The following AFF3 variants were observed in gnomAD, a reference collection of about 807,000 sequenced individuals.
AFF3 encodes AF4/FMR2 family member 3.
AFF3 carries 32 observed loss-of-function variants against 129.7 expected under a neutral mutation model. The ratio of observed to expected loss-of-function variants is 0.25; its 90% CI spans 0.19 to 0.33. AFF3 has a LOEUF of 0.33. Ranked by LOEUF, AFF3 falls within the 10% of genes least tolerant of loss-of-function variation. The probability of loss-of-function intolerance (pLI) is 1.00; values close to 1 mark genes in which losing one functional copy is unlikely to be tolerated. For synonymous variants in AFF3, 644 were observed against 635.4 expected (o/e 1.01, Z -0.20); for missense variants, 1,373 against 1,592.0 (o/e 0.86, Z 2.34).
chr2:99,923,564 C>T (rs1035235918), intron 7 of AFF3, among the ~76,000 whole-genome samples: 3 of 152,094 alleles, frequency 2.0e-5, no homozygotes, highest in Non-Finnish European at 4.4e-5. Flanking sequence ...GATCCTCTGA[C>T]GTCTAGCTGG....
chr2:99,891,726 T>A (rs780399543), intron 7 of AFF3, among the ~76,000 whole-genome samples: 1 of 152,212 alleles, frequency 6.6e-6, no homozygotes, highest in Admixed American at 6.5e-5. Flanking sequence ...AGGTTCAGAA[T>A]GTGTGGAAGG....
intron 7 of AFF3, among the ~76,000 whole-genome samples, chr2:100,004,490 T>C (rs1368108071): frequency 6.6e-6 from 1 of 152,198 alleles, no homozygotes; most frequent in East Asian, 1.9e-4. Context: ...TCTCACTATG[T>C]TGCCCAGGCT....
At chr2:100,015,738 C>G (rs971486376) in intron 4 of AFF3, among the ~76,000 whole-genome samples, 1 of 152,170 alleles carries the variant, frequency 6.6e-6, no homozygotes, top group African/African-American at 2.4e-5. Context: ...GGGACAGAGG[C>G]AACTCAGACA....
intron 7 of AFF3, among the ~76,000 whole-genome samples, chr2:99,891,526 C>A (rs1693549911): frequency 6.6e-6 from 1 of 152,140 alleles, no homozygotes; most frequent in Admixed American, 6.5e-5. Flanking sequence ...CGGCAGGATG[C>A]TGAAGCTGGG....
At chr2:99,968,179 TC>T (rs557368217) in intron 7 of AFF3, among the ~76,000 whole-genome samples, 14 of 152,284 alleles carry the variant, frequency 9.2e-5, no homozygotes, top group Non-Finnish European at 1.6e-4. Context: ...AACTAGTCCC[TC>T]CTCTATGCCT....
At chr2:99,946,133 A>G (rs1363295720) in intron 7 of AFF3, among the ~76,000 whole-genome samples, 2 of 152,122 alleles carry the variant, frequency 1.3e-5, no homozygotes, top group Admixed American at 6.5e-5. Flanking sequence ...TACCCCAAAG[A>G]GGCAGATTAT....
At chr2:99,651,399 G>A (rs558190653) in intron 12 of AFF3, among the ~76,000 whole-genome samples, 14 of 151,982 alleles carry the variant, frequency 9.2e-5, no homozygotes, top group Admixed American at 9.2e-4. Context: ...AACAAGGAGT[G>A]TGCAATGGTC....
At chr2:99,961,434 T>C (rs1677202178) in intron 7 of AFF3, among the ~76,000 whole-genome samples, 1 of 152,236 alleles carries the variant, frequency 6.6e-6, no homozygotes, top group African/African-American at 2.4e-5. Context: ...TGGCAATTAA[T>C]CACATTTTGC....
intron 13 of AFF3, among the ~76,000 whole-genome samples, chr2:99,626,539 CCTT>C (rs376145443): frequency 3.5e-5 from 2 of 57,280 alleles, no homozygotes; most frequent in Non-Finnish European, 4.2e-5. Flanking sequence ...TTCCTCCCTC[CCTT>C]CTCCCTTCTC....
chr2:99,666,349 T>A (rs962972711), intron 12 of AFF3, among the ~76,000 whole-genome samples: 1 of 152,164 alleles, frequency 6.6e-6, no homozygotes, highest in Admixed American at 6.5e-5. Flanking sequence ...ACCAGCGAAC[T>A]GTTATAAGTT....
At chr2:99,767,543 G>A (rs1167989736) in intron 8 of AFF3, among the ~76,000 whole-genome samples, 2 of 152,210 alleles carry the variant, frequency 1.3e-5, no homozygotes, top group African/African-American at 4.8e-5. Flanking sequence ...CAGTAAACAT[G>A]TATATGACAC....
chr2:99,752,403 A>G (rs1681730999), intron 8 of AFF3, 102 bp from the exon 9 acceptor site: 1 of 883,874 alleles, frequency 1.1e-6, no homozygotes, highest in African/African-American at 1.7e-5. Flanking sequence ...AAGGCAGGGA[A>G]GGGTTAAAAA....
intron 8 of AFF3, among the ~76,000 whole-genome samples, chr2:99,802,090 C>A (rs1290173041): frequency 6.6e-6 from 1 of 152,118 alleles, no homozygotes. Context: ...GAAATTATTT[C>A]TTTTAAATGA....
chr2:99,752,937 T>C (rs1681780972), intron 8 of AFF3, among the ~76,000 whole-genome samples: 2 of 152,130 alleles, frequency 1.3e-5, no homozygotes, highest in Non-Finnish European at 2.9e-5. Context: ...TCTCTAAGCC[T>C]TGGGAAAGGG....
intron 8 of AFF3, among the ~76,000 whole-genome samples, chr2:99,831,877 CA>C (rs1419069750): frequency 6.6e-6 from 1 of 152,186 alleles, no homozygotes; most frequent in Non-Finnish European, 1.5e-5. Context: ...CTCTGCAAAC[CA>C]CCTTTCAAGG....
At position 99,568,984 on chromosome 2, in the gene AFF3, C is replaced by T. The variant is rs567549630; in HGVS notation, c.2919-69G>A. 5 of 1,445,516 alleles carry T rather than the reference C, an allele frequency of 3.5e-6. No homozygotes were observed. The African/African-American group carries it at 5.6e-5, about 16-fold the overall frequency. 89.5% of individuals were successfully genotyped at this position (1,445,516 alleles called of 1,614,324 possible). On this transcript the variant is annotated intron_variant, in intron 18 of 24. Coordinates refer to ENST00000672756, the MANE Select transcript of AFF3 (RefSeq NM_001386135.1). The stretch of plus-strand genomic sequence containing the variant: ...CAACGTCTTTTTAAAATATTCCTTC[C>T]TTTCACTCAAACTTAAGGCACAATT...
intron 8 of AFF3, among the ~76,000 whole-genome samples, chr2:99,770,085 C>T (rs1683348520): frequency 6.6e-6 from 1 of 152,214 alleles, no homozygotes; most frequent in Non-Finnish European, 1.5e-5. Flanking sequence ...GCAGCGAGTT[C>T]CCCCAGCTGG....
At chr2:99,777,247 C>A (rs566340816) in intron 8 of AFF3, among the ~76,000 whole-genome samples, 100 of 152,264 alleles carry the variant, frequency 6.6e-4, no homozygotes, top group African/African-American at 2.2e-3. Flanking sequence ...CTGATTCCTT[C>A]CCAGGAGCAT....
chr2:99,849,858 G>C (rs1690019870), intron 7 of AFF3, among the ~76,000 whole-genome samples: 1 of 152,130 alleles, frequency 6.6e-6, no homozygotes. Context: ...GGACGGACTG[G>C]TAGCTAATTG....
Sources: allele counts gnomAD v4.1 joint callset (sites outside exome capture counted in the v4.1 genomes callset), GRCh38; gene constraint gnomAD v4.1.1; transcripts MANE v1.5; gene names NCBI Gene and HGNC (gene_info 2026-07-23, HGNC 2026-07-21).